Variants in EMSY observed in about 807,000 individuals in gnomAD.
EMSY encodes EMSY transcriptional repressor, BRCA2 interacting.
A neutral mutation model predicts 134.6 loss-of-function variants in EMSY; 26 were observed. That is an observed-to-expected ratio of 0.19 (90% CI 0.14 to 0.27). The LOEUF (loss-of-function observed/expected upper bound fraction) is 0.27, where lower values mean the gene tolerates loss of function less well. Among genes scored for constraint, EMSY ranks in the 10% least tolerant of loss-of-function variants. The probability of loss-of-function intolerance (pLI) is 1.00; values close to 1 mark genes in which losing one functional copy is unlikely to be tolerated. For missense variants in EMSY, 1,305 were observed against 1,611.4 expected (o/e 0.81, Z 3.26); for synonymous variants, 579 against 577.8 (o/e 1.00, Z -0.03).
intron 7 of EMSY, among the ~76,000 whole-genome samples, chr11:76,472,231 A>G (rs1948600505): frequency 6.6e-6 from 1 of 152,214 alleles, no homozygotes; most frequent in Non-Finnish European, 1.5e-5. Context: ...CTCAATAAAT[A>G]TTTATAAACG....
chr11:76,490,686 A>T (rs1260910167), intron 8 of EMSY, among the ~76,000 whole-genome samples: 2 of 152,216 alleles, frequency 1.3e-5, no homozygotes, highest in Non-Finnish European at 2.9e-5. Flanking sequence ...TCTTTTAAAG[A>T]AATTACAAAA....
At chr11:76,453,430 G>GTA in intron 4 of EMSY, 42 bp downstream of exon 4, 2 of 1,556,902 alleles carry the variant, frequency 1.3e-6, no homozygotes, top group Non-Finnish European at 1.8e-6. Context: ...TTATGACATA[G>GTA]TATAACACAG....
At chr11:76,528,776 C>T (rs1341994230) in intron 14 of EMSY, among the ~76,000 whole-genome samples, 5 of 151,984 alleles carry the variant, frequency 3.3e-5, no homozygotes, top group Admixed American at 3.3e-4. Context: ...CATATTCTTC[C>T]TCTCTGGTTT....
chr11:76,464,155 C>T, intron 7 of EMSY, 75 bp downstream of exon 8: 1 of 1,539,428 alleles, frequency 6.5e-7, no homozygotes, highest in South Asian at 1.2e-5. Context: ...TAAACATGCA[C>T]TGAGTGCTTA....
chr11:76,496,543 A>G, intron 9 of EMSY, 74 bp downstream of exon 10: 1 of 1,496,388 alleles, frequency 6.7e-7, no homozygotes, highest in Middle Eastern at 1.7e-4. Context: ...CAGTCCATGA[A>G]CACGGTATGT....
intron 5 of EMSY, 130 bp downstream of exon 6, chr11:76,458,488 A>G (rs979679503): frequency 3.9e-5 from 37 of 940,306 alleles, no homozygotes; most frequent in Non-Finnish European, 4.6e-5. Flanking sequence ...ATAGTAGGAA[A>G]CTCTAATTCT....
rs1008644436 is a variant in EMSY, at chr11:76,526,780, A to G, written c.1995+145A>G. Reference sequence around the variant, plus strand: ...TATGTTTGAATGTGTTAATTATTCAAGTATTGTCAAAACTTCATTTATCTT... The same window carrying G: ...TATGTTTGAATGTGTTAATTATTCAGGTATTGTCAAAACTTCATTTATCTT... On this transcript the variant is annotated intron_variant, in intron 13 of 20. Coordinates refer to ENST00000334736, the Ensembl canonical transcript of EMSY. 7 of 802,046 alleles carry G rather than the reference A, an allele frequency of 8.7e-6. No homozygotes were observed. The African/African-American group carries it at 1.1e-4, about 12-fold the overall frequency. The allele number at this position is 802,046 out of a possible 1,614,324, so 49.7% of individuals were successfully genotyped here. A position where few individuals can be genotyped will look rare whatever the true frequency, so the allele number is the denominator to read the frequency against.
At chr11:76,469,662 A>G (rs924388618) in intron 7 of EMSY, among the ~76,000 whole-genome samples, 9 of 152,172 alleles carry the variant, frequency 5.9e-5, no homozygotes, top group Non-Finnish European at 2.9e-5. Flanking sequence ...ACATCATTAT[A>G]TCGTTTAATC....
intron 9 of EMSY, among the ~76,000 whole-genome samples, chr11:76,504,822 A>G (rs574450575): frequency 1.3e-5 from 2 of 152,366 alleles, no homozygotes; most frequent in Admixed American, 1.3e-4. Context: ...TTAATTAGCC[A>G]TAAAAGGAAT....
chr11:76,523,174 T>C (rs1181352811), exon 12 of EMSY: 1 of 1,612,906 alleles, frequency 6.2e-7, no homozygotes, highest in Non-Finnish European at 8.5e-7. Context: ...CCAAAATCAC[T>C]ACAATCCCAA....
chr11:76,472,996 G>A (rs1427823592), intron 8 of EMSY, among the ~76,000 whole-genome samples, 156 bp downstream of exon 9: 1 of 152,176 alleles, frequency 6.6e-6, no homozygotes, highest in African/African-American at 2.4e-5. Context: ...TGTCAAGATG[G>A]TCGGTGATTC....
chr11:76,552,800 C>A (rs939531646), downstream of EMSY: 14 of 152,180 alleles, frequency 9.2e-5, no homozygotes, highest in African/African-American at 3.4e-4. Flanking sequence ...GAAACCACCA[C>A]CACCATCGCT....
At chr11:76,470,207 G>C (rs148956481) in intron 7 of EMSY, among the ~76,000 whole-genome samples, 2 of 152,052 alleles carry the variant, frequency 1.3e-5, no homozygotes, top group Non-Finnish European at 2.9e-5. Flanking sequence ...AAATGAAAAA[G>C]AATTTTCCCT....
rs73493487 is a variant in EMSY, at chr11:76,468,436, G to T, written c.832-4128G>T. ...AAAACTGTACTCTTTTACTTCTTGT[G>T]TACTCAATGCCATTACTTTTATTAT... On this transcript the variant is annotated intron_variant, in intron 7 of 20. Transcript: ENST00000334736. Among the ~76,000 whole-genome samples, 757 of 152,218 alleles carry T rather than the reference G, an allele frequency of 5.0e-3. 4 individuals are homozygous for T. The highest frequency in any genetic ancestry group is 0.017 in the African/African-American group (719 of 41,544).
At chr11:76,500,964 A>G (rs1047246249) in intron 9 of EMSY, among the ~76,000 whole-genome samples, 1 of 152,182 alleles carries the variant, frequency 6.6e-6, no homozygotes, top group African/African-American at 2.4e-5. Context: ...CCCTGTTGAT[A>G]CTCAAATCTG....
chr11:76,513,548 G>A lies in EMSY; in HGVS notation c.1513+13G>A. 1 of 1,611,720 alleles carries A rather than the reference G, an allele frequency of 6.2e-7. No individual in the cohort carries two copies. ...ACCACTCCTACTGGTAAGTTCTCTT[G>A]AGCATCAGTTCATTTATTCATCATA... On this transcript the variant is annotated intron_variant, in intron 10 of 20. Transcript: ENST00000334736.
chr11:76,523,249 C>T lies in EMSY; in HGVS notation c.1779C>T (p.Gly593=), dbSNP rs780781477. 7 of 1,613,638 alleles carry T rather than the reference C, an allele frequency of 4.3e-6. No individual in the cohort carries two copies. The East Asian group carries it at 1.1e-4, about 26-fold the overall frequency. Residue 593 remains glycine, a synonymous_variant, in exon 12 of 21, where the codon GGC becomes GGT. Transcript: ENST00000334736. ...CAGGAAAAGGAACGACCATTCAAGG[C>T]CTCCCGGGCAAAAATGTTGTCACAA...
chr11:76,539,379 T>C (rs955132636), intron 16 of EMSY, among the ~76,000 whole-genome samples: 7 of 152,154 alleles, frequency 4.6e-5, no homozygotes, highest in African/African-American at 1.7e-4. Context: ...TTTTAGGAGA[T>C]AATATTATTA....
At chr11:76,542,402 A>G (rs755238695) in intron 18 of EMSY, 35 bp downstream of exon 19, 1 of 1,596,812 alleles carries the variant, frequency 6.3e-7, no homozygotes, top group Non-Finnish European at 8.6e-7. Flanking sequence ...ATCTTCTGCA[A>G]CTGCCCATGC....
Sources: allele counts gnomAD v4.1 joint callset (sites outside exome capture counted in the v4.1 genomes callset), GRCh38; gene constraint gnomAD v4.1.1; transcripts MANE v1.5; gene names NCBI Gene and HGNC (gene_info 2026-07-23, HGNC 2026-07-21).